HCRTR2: variants seen among roughly 807,000 people sequenced by gnomAD.
HCRTR2 encodes the protein orexin receptor type 2.
In HCRTR2, 22 loss-of-function variants were observed where a neutral mutation model predicts 49.0. The observed-to-expected ratio is 0.45, with a 90% CI of 0.32 to 0.64. The LOEUF (loss-of-function observed/expected upper bound fraction) is 0.64, where lower values mean the gene tolerates loss of function less well. HCRTR2 is among the 30% of genes least tolerant of loss of function. The probability of loss-of-function intolerance (pLI) is 0.04; values close to 1 mark genes in which losing one functional copy is unlikely to be tolerated. For missense variants in HCRTR2, 491 were observed against 559.4 expected (o/e 0.88, Z 1.23); for synonymous variants, 236 against 205.3 (o/e 1.15, Z -1.28).
chr6:55,110,355 A>G (rs192610022), intron 1 of HCRTR2, among the ~76,000 whole-genome samples: 58 of 152,228 alleles, frequency 3.8e-4, no homozygotes, highest in African/African-American at 1.4e-3. Flanking sequence ...AGCATGATGA[A>G]TAGAATAATA....
intron 1 of HCRTR2, among the ~76,000 whole-genome samples, chr6:55,127,664 A>G (rs983889456): frequency 2.6e-5 from 4 of 152,168 alleles, no homozygotes; most frequent in African/African-American, 9.7e-5. Flanking sequence ...AGCAATTTTC[A>G]GCATCTTCCT....
rs140289102 is a variant in HCRTR2, at chr6:55,149,513, T to C, written c.-377-24698T>C. Among the ~76,000 whole-genome samples the C allele has an allele frequency of 7.5e-3, 1,144 of 152,142 alleles. 9 individuals carry two copies. Among genetic ancestry groups the C allele is most frequent in the Middle Eastern group, 0.037 (11 of 294 alleles). ...CTATAAAGCATGAGTACAAGAAAGG[T>C]CAATTGAGGACATATCAAAATATCT... On this transcript the variant is annotated intron_variant, in intron 1 of 7. Transcript: ENST00000615358.
chr6:55,141,088 A>G (rs775812651), intron 1 of HCRTR2, among the ~76,000 whole-genome samples: 20 of 152,006 alleles, frequency 1.3e-4, no homozygotes, highest in Non-Finnish European at 2.8e-4. Flanking sequence ...TAATCCCAGC[A>G]CTTTGGGAGG....
chr6:55,139,791 C>T (rs553868813), intron 1 of HCRTR2, among the ~76,000 whole-genome samples: 6 of 152,278 alleles, frequency 3.9e-5, no homozygotes, highest in African/African-American at 1.2e-4. Context: ...AGGAGCCAAG[C>T]AACATTCCAG....
chr6:55,274,115 C>A (rs1281480415), intron 4 of HCRTR2, among the ~76,000 whole-genome samples: 1 of 150,944 alleles, frequency 6.6e-6, no homozygotes, highest in East Asian at 1.9e-4. Flanking sequence ...ATTGCATTAA[C>A]TCTATAGATC....
chr6:55,282,898 TA>T (rs879514578), downstream of HCRTR2, among the ~76,000 whole-genome samples: 40 of 151,946 alleles, frequency 2.6e-4, no homozygotes, highest in Non-Finnish European at 3.4e-4. Context: ...ATAGTTTTTT[TA>T]AAAAAAATCA....
intron 3 of HCRTR2, among the ~76,000 whole-genome samples, chr6:55,260,892 A>G (rs537000037): frequency 6.6e-6 from 1 of 152,218 alleles, no homozygotes; most frequent in South Asian, 2.1e-4. Flanking sequence ...ATCTGATCAC[A>G]TAACCAAGCT....
At position 55,188,319 on chromosome 6, in the gene HCRTR2, G is replaced by A. The variant is rs560304209; in HGVS notation, c.223+13509G>A. ...ACAGTTACTAAAGGGAAAGAGGAGC[G>A]AGGAATACAAGAGCAAAGTCAAGCC... On this transcript the variant is annotated intron_variant, in intron 1 of 6. Coordinates refer to ENST00000370862, the MANE Select transcript of HCRTR2 (RefSeq NM_001384272.1). Among the ~76,000 whole-genome samples the A allele has an allele frequency of 6.1e-4, 93 of 152,268 alleles. 1 individual carries two copies. Among genetic ancestry groups the A allele is most frequent in the African/African-American group, 2.1e-3 (89 of 41,542 alleles).
intron 1 of HCRTR2, among the ~76,000 whole-genome samples, chr6:55,167,277 A>T (rs1014308757): frequency 1.3e-5 from 2 of 152,212 alleles, no homozygotes; most frequent in African/African-American, 4.8e-5. Flanking sequence ...TTTGTATTGG[A>T]GTAAAAGCAT....
intron 1 of HCRTR2, among the ~76,000 whole-genome samples, chr6:55,238,954 A>G (rs1313085020): frequency 6.6e-6 from 1 of 152,164 alleles, no homozygotes; most frequent in African/African-American, 2.4e-5. Flanking sequence ...AATTAATGCA[A>G]AAGGGTCAAA....
intron 1 of HCRTR2, among the ~76,000 whole-genome samples, chr6:55,129,083 A>T (rs1764319623): frequency 6.6e-6 from 1 of 151,924 alleles, no homozygotes; most frequent in African/African-American, 2.4e-5. Context: ...AAATCTTAAA[A>T]CCCAAGTTCC....
chr6:55,260,022 T>G (rs1766725197), intron 3 of HCRTR2, among the ~76,000 whole-genome samples: 1 of 152,166 alleles, frequency 6.6e-6, no homozygotes, highest in African/African-American at 2.4e-5. Context: ...TTTTTCCATA[T>G]CAGTGTTCAT....
At chr6:55,277,660 CTTTTTTT>C in intron 5 of HCRTR2, 60 bp downstream of exon 5, 1 of 933,426 alleles carries the variant, frequency 1.1e-6, no homozygotes, top group Non-Finnish European at 1.6e-6. Context: ...TCTTAATTAA[CTTTTTTT>C]TTTTTTTTAA....
chr6:55,272,141 A>G (rs533680720), intron 4 of HCRTR2, among the ~76,000 whole-genome samples: 3 of 152,158 alleles, frequency 2.0e-5, no homozygotes, highest in African/African-American at 7.2e-5. Flanking sequence ...GGAATAACTC[A>G]TTGTTCTATA....
intron 1 of HCRTR2, among the ~76,000 whole-genome samples, chr6:55,147,979 A>G (rs1160480153): frequency 6.7e-6 from 1 of 148,240 alleles, no homozygotes; most frequent in Non-Finnish European, 1.5e-5. Flanking sequence ...TAGTGAAATC[A>G]TGATGGGAGG....
At chr6:55,122,284 G>T (rs989209449) in intron 1 of HCRTR2, among the ~76,000 whole-genome samples, 1 of 152,102 alleles carries the variant, frequency 6.6e-6, no homozygotes, top group African/African-American at 2.4e-5. Flanking sequence ...ATGGTAGTTT[G>T]TATTTCTGTG....
intron 1 of HCRTR2, among the ~76,000 whole-genome samples, chr6:55,147,877 G>T (rs776658126): frequency 4.6e-5 from 7 of 152,070 alleles, no homozygotes. Flanking sequence ...TGTAGAATCT[G>T]CCTAAATGGA....
At chr6:55,149,050 A>G (rs9370390) in intron 1 of HCRTR2, among the ~76,000 whole-genome samples, 111,071 of 151,938 alleles carry the variant, frequency 0.73, 41,223 homozygotes, top group Non-Finnish European at 0.8. Context: ...TATAACCTTA[A>G]GGCAATTGTC....
intron 1 of HCRTR2, among the ~76,000 whole-genome samples, chr6:55,210,577 G>A (rs1186983379): frequency 6.6e-6 from 1 of 152,076 alleles, no homozygotes; most frequent in Non-Finnish European, 1.5e-5. Context: ...AGTCCACAGG[G>A]AGAACAAACA....
Sources: gnomAD v4.1 joint callset for allele counts (sites outside exome capture counted in the v4.1 genomes callset) on GRCh38, gnomAD v4.1.1 for gene constraint, MANE v1.5 for transcripts, NCBI Gene and HGNC (gene_info 2026-07-23, HGNC 2026-07-21) for gene names.